VGLL3: variants seen among roughly 807,000 people sequenced by gnomAD.
The protein encoded by VGLL3 is vestigial like family member 3.
A neutral mutation model predicts 29.2 loss-of-function variants in VGLL3; 18 were observed. That is an observed-to-expected ratio of 0.62 (90% CI 0.43 to 0.91). The LOEUF is 0.91. VGLL3 is among the 40% of genes least tolerant of loss of function. VGLL3 has a pLI of 0.00. For missense variants in VGLL3, 440 were observed against 413.2 expected (o/e 1.06, Z -0.56); for synonymous variants, 180 against 151.8 (o/e 1.19, Z -1.36).
At chr3:86,976,916 A>G (rs7649313) in intron 2 of VGLL3, among the ~76,000 whole-genome samples, 16,348 of 152,210 alleles carry the variant, frequency 0.11, 2,392 homozygotes, top group African/African-American at 0.33. Context: ...TATTAAAGCC[A>G]TCTAACTCAC....
chr3:86,947,622 ATAAC>A (rs896211384), intron 3 of VGLL3, among the ~76,000 whole-genome samples: 4 of 152,198 alleles, frequency 2.6e-5, no homozygotes, highest in Non-Finnish European at 5.9e-5. Flanking sequence ...CAGTTGGTTC[ATAAC>A]TAACAGTCCA....
At chr3:86,964,849 T>C (rs773542586) in intron 3 of VGLL3, among the ~76,000 whole-genome samples, 4 of 152,106 alleles carry the variant, frequency 2.6e-5, no homozygotes, top group Non-Finnish European at 5.9e-5. Context: ...AGACATCATT[T>C]CTCTACTAAT....
chr3:86,962,695 A>C, intron 3 of VGLL3: 1 of 822,592 alleles, frequency 1.2e-6, no homozygotes, highest in African/African-American at 1.9e-5. Context: ...TATATTTCCA[A>C]GAGAATTAAA....
At chr3:86,972,094 A>G (rs1299981955) in intron 2 of VGLL3, among the ~76,000 whole-genome samples, 1 of 152,234 alleles carries the variant, frequency 6.6e-6, no homozygotes, top group Non-Finnish European at 1.5e-5. Context: ...CATGGAGCCA[A>G]TCTTATTTTA....
At position 86,943,807 on chromosome 3, in the gene VGLL3, C is replaced by A. The variant is rs917609448; in HGVS notation, c.*3217G>T. 6.6e-6 allele frequency: 1 copy of A among 151,982 alleles called. No individual in the cohort carries two copies. Among genetic ancestry groups the A allele is most frequent in the Non-Finnish European group, 1.5e-5 (1 of 67,992 alleles). The allele number at this position is 151,982 out of a possible 1,614,324, so 9.4% of individuals were successfully genotyped here. On this transcript the variant is annotated 3_prime_UTR_variant, in exon 4 of 4. Transcript: ENST00000398399. ...GTCAACATTATGTTGTTTCTTAGCT[C>A]CCGATGGTTTATTGGTGGAAGCATA...
At position 86,945,447 on chromosome 3, in the gene VGLL3, C is replaced by A. The variant is rs1704487794; in HGVS notation, c.*1577G>T. 1 of 152,038 alleles carries A rather than the reference C, an allele frequency of 6.6e-6. No individual in the cohort carries two copies. Among genetic ancestry groups the A allele is most frequent in the Admixed American group, 6.6e-5 (1 of 15,256 alleles). The allele number at this position is 152,038 out of a possible 1,614,324, so 9.4% of individuals were successfully genotyped here. A position where few individuals can be genotyped will look rare whatever the true frequency, so the allele number is the denominator to read the frequency against. On this transcript the variant is annotated 3_prime_UTR_variant, in exon 4 of 4. Transcript: ENST00000398399. The stretch of plus-strand genomic sequence containing the variant: ...GAAAAATGGGAGAAATTTGAAAAAA[C>A]CTCTTTATAAAGCTAAAAAACTTCT...
intron 2 of VGLL3, among the ~76,000 whole-genome samples, chr3:86,974,408 C>T (rs1221649351): frequency 6.6e-6 from 1 of 152,202 alleles, no homozygotes; most frequent in Non-Finnish European, 1.5e-5. Context: ...GCATGAGCCA[C>T]CACGCCCAGC....
At position 86,978,738 on chromosome 3, in the gene VGLL3, T is replaced by A. The variant is rs1182623823; in HGVS notation, c.191A>T (p.Glu64Val). The change falls in exon 2 of 4, where the codon GAG becomes GTG. Residue 64 changes from glutamate (E) to valine (V), a missense_variant. By Grantham distance (121) the Glu-to-Val change is moderately radical. Transcript: ENST00000398399. Reference sequence around the variant, plus strand: ...CTCCTCCTCCTCCTCATCCTCCTCCTCTTGTTTGCTGGGAAGGGTGACTTC... The same window carrying A: ...CTCCTCCTCCTCCTCATCCTCCTCCACTTGTTTGCTGGGAAGGGTGACTTC... The part of the protein sequence containing the change: ...SLEVTLPSKQ[E>V]EEDEEEEEEE... 2.5e-6 allele frequency: 4 copies of A among 1,613,912 alleles called. No homozygotes were observed. The highest frequency in any genetic ancestry group is 3.4e-6 in the Non-Finnish European group (4 of 1,179,970).
chr3:86,960,414 C>A (rs989542017), intron 3 of VGLL3, among the ~76,000 whole-genome samples: 1 of 152,078 alleles, frequency 6.6e-6, no homozygotes, highest in Admixed American at 6.5e-5. Context: ...CTCTGTAGTA[C>A]CCAGCTCTTC....
rs971968216 is a variant in VGLL3 at position 86,978,441 on chromosome 3, G to A, written c.403+85C>T. 7.4e-5 allele frequency: 108 copies of A among 1,458,974 alleles called. 1 individual carries two copies. The highest frequency in any genetic ancestry group is 2.2e-4 in the Middle Eastern group (1 of 4,538). The allele number at this position is 1,458,974 out of a possible 1,614,324, so 90.4% of individuals were successfully genotyped here. ...AAAAGCAAGTGGATATCCATCCTCA[G>A]GGGCAAGTCTCCAGCTGGAACCTGG... On this transcript the variant is annotated intron_variant, in intron 2 of 3. Coordinates refer to ENST00000398399, the MANE Select transcript of VGLL3 (RefSeq NM_016206.4).
At chr3:86,960,733 G>A (rs564009898) in intron 3 of VGLL3, among the ~76,000 whole-genome samples, 1 of 152,062 alleles carries the variant, frequency 6.6e-6, no homozygotes, top group South Asian at 2.1e-4. Context: ...ACCAGATAGT[G>A]TTTAATATCT....
intron 3 of VGLL3, among the ~76,000 whole-genome samples, chr3:86,956,424 G>C (rs77751815): frequency 5.8e-4 from 88 of 152,322 alleles, no homozygotes; most frequent in Non-Finnish European, 1.0e-3. Flanking sequence ...ACCGCAGCTA[G>C]TTGATGACAA....
At position 86,947,018 on chromosome 3, in the gene VGLL3, T is replaced by C. The variant is rs1411642494; in HGVS notation, c.*6A>G. On this transcript the variant is annotated 3_prime_UTR_variant, in exon 4 of 4. Coordinates refer to ENST00000398399, the MANE Select transcript of VGLL3 (RefSeq NM_016206.4). Reference sequence around the variant, plus strand: ...GCTGCAACTTAACTCACTAAGATTGTGTGTTTCAGTACCACGGTGATTCCT... The same window carrying C: ...GCTGCAACTTAACTCACTAAGATTGCGTGTTTCAGTACCACGGTGATTCCT... 1.3e-6 allele frequency: 1 copy of C among 780,422 alleles called. No individual in the cohort carries two copies. Among genetic ancestry groups the C allele is most frequent in the African/African-American group, 1.7e-5 (1 of 59,138 alleles). The allele number at this position is 780,422 out of a possible 1,614,324, so 48.3% of individuals were successfully genotyped here. A position where few individuals can be genotyped will look rare whatever the true frequency, so the allele number is the denominator to read the frequency against.
At chr3:86,985,228 A>G (rs1199593899) in intron 1 of VGLL3, among the ~76,000 whole-genome samples, 3 of 152,184 alleles carry the variant, frequency 2.0e-5, no homozygotes, top group African/African-American at 7.2e-5. Flanking sequence ...AGCCAAAAAA[A>G]CCCTACAGAT....
At chr3:86,962,536 A>C in intron 3 of VGLL3, 1 of 983,698 alleles carries the variant, frequency 1.0e-6, no homozygotes, top group Non-Finnish European at 1.2e-6. Context: ...TTAACAATTT[A>C]AATACTAAAA....
chr3:86,961,957 A>G lies in VGLL3; in HGVS notation c.937+6633T>C, dbSNP rs1704852640. 13 of 981,128 alleles carry G rather than the reference A, an allele frequency of 1.3e-5. No homozygotes were observed. In the South Asian group the frequency reaches 4.7e-4, roughly 36 times the overall value. 60.8% of individuals were successfully genotyped at this position (981,128 alleles called of 1,614,324 possible). A position where few individuals can be genotyped will look rare whatever the true frequency, so the allele number is the denominator to read the frequency against. ...GAATATATAAAACATTTTATATGCTATAGGGAACTGTGATCTCTAAGAGGT... is the reference window on the plus strand; with the variant it reads ...GAATATATAAAACATTTTATATGCTGTAGGGAACTGTGATCTCTAAGAGGT... On this transcript the variant is annotated intron_variant, in intron 3 of 3. Coordinates refer to ENST00000398399, the MANE Select transcript of VGLL3 (RefSeq NM_016206.4).
rs539053507 is a variant in VGLL3 at position 86,946,466 on chromosome 3, T to C, written c.*558A>G. 6.6e-6 allele frequency: 1 copy of C among 152,216 alleles called. No homozygotes were observed. Among genetic ancestry groups the C allele is most frequent in the Non-Finnish European group, 1.5e-5 (1 of 68,062 alleles). 9.4% of individuals were successfully genotyped at this position (152,216 alleles called of 1,614,324 possible). ...ACCTAGAAAGCACAGACAGAGCATA[T>C]AATAGACATCTTAGAGATAAGCATT... On this transcript the variant is annotated 3_prime_UTR_variant, in exon 4 of 4. Coordinates refer to ENST00000398399, the MANE Select transcript of VGLL3 (RefSeq NM_016206.4).
intron 3 of VGLL3, among the ~76,000 whole-genome samples, chr3:86,966,553 A>AGTT (rs966677537): frequency 6.6e-6 from 1 of 151,734 alleles, no homozygotes; most frequent in African/African-American, 2.4e-5. Flanking sequence ...CCATTTTAAT[A>AGTT]GTTGAATTCA....
At chr3:86,957,635 C>A (rs562642360) in intron 3 of VGLL3, among the ~76,000 whole-genome samples, 76 of 152,252 alleles carry the variant, frequency 5.0e-4, no homozygotes, top group African/African-American at 1.8e-3. Context: ...GATATGTATG[C>A]AGAATCTGTG....
Sources: gnomAD v4.1 joint callset for allele counts (sites outside exome capture counted in the v4.1 genomes callset) on GRCh38, gnomAD v4.1.1 for gene constraint, MANE v1.5 for transcripts, NCBI Gene and HGNC (gene_info 2026-07-23, HGNC 2026-07-21) for gene names.